WDR17: variants seen among roughly 807,000 people sequenced by gnomAD.
WDR17 encodes WD repeat-containing protein 17.
A neutral mutation model predicts 161.7 loss-of-function variants in WDR17; 143 were observed. That is an observed-to-expected ratio of 0.88 (90% CI 0.77 to 1.02). The LOEUF (loss-of-function observed/expected upper bound fraction) is 1.02, where lower values mean the gene tolerates loss of function less well. WDR17 is among the 50% of genes least tolerant of loss of function. The probability of loss-of-function intolerance (pLI) is 0.00; values close to 1 mark genes in which losing one functional copy is unlikely to be tolerated. For missense variants in WDR17, 1,469 were observed against 1,520.9 expected, an observed-to-expected ratio of 0.97 and a Z score of 0.57; for synonymous variants, 517 against 515.6, an observed-to-expected ratio of 1.00 and a Z score of -0.04.
At chr4:176,072,211 A>G (rs1202315934) in intron 1 of WDR17, among the ~76,000 whole-genome samples, 2 of 152,258 alleles carry the variant, frequency 1.3e-5, no homozygotes, top group Non-Finnish European at 2.9e-5. Flanking sequence ...GGTAAACTCA[A>G]GCATGTGAAA....
intron 25 of WDR17, among the ~76,000 whole-genome samples, chr4:176,174,209 A>T (rs1751143706): frequency 6.6e-6 from 1 of 152,076 alleles, no homozygotes; most frequent in South Asian, 2.1e-4. Context: ...AAATGGAAAA[A>T]ATGATGCAGC....
In WDR17 at chr4:176,155,545, G is replaced by GTTTTTTTTTT. The variant is rs869207103; in HGVS notation, c.2461-527_2461-518dup. Among the ~76,000 whole-genome samples, 40 of 105,220 alleles carry GTTTTTTTTTT rather than the reference G, an allele frequency of 3.8e-4. 1 individual carries two copies. The highest frequency in any genetic ancestry group is 1.1e-3 in the African/African-American group (28 of 25,642). 69.0% of individuals were successfully genotyped at this position (105,220 alleles called of 152,430 possible). ...TTTGTTTTTTTGTTTATTTGTTTGTGTTTTTTTTTTTTTTTTGGAGACGAA... is the reference window on the plus strand; with the variant it reads ...TTTGTTTTTTTGTTTATTTGTTTGTGTTTTTTTTTTTTTTTTTTTTTTTTTTGGAGACGAA... On this transcript the variant is annotated intron_variant, in intron 17 of 28. Transcript: ENST00000508596.
chr4:176,150,623 C>A (rs747128188), intron 16 of WDR17, 30 bp downstream of exon 16: 18 of 1,544,858 alleles, frequency 1.2e-5, no homozygotes, highest in South Asian at 3.9e-5. Context: ...ATGATGTACT[C>A]AAGCAAATTT....
intron 1 of WDR17, among the ~76,000 whole-genome samples, chr4:176,075,445 G>A (rs1180419062): frequency 1.3e-5 from 2 of 151,904 alleles, no homozygotes; most frequent in Non-Finnish European, 2.9e-5. Context: ...GAACATTTTA[G>A]GTTATCTGTC....
intron 24 of WDR17, 133 bp from the exon 25 acceptor site, chr4:176,173,134 A>G (rs1308436305): frequency 1.8e-6 from 1 of 564,714 alleles, no homozygotes; most frequent in Non-Finnish European, 3.1e-6. Context: ...TAAATAGGAA[A>G]ATACTTGTGA....
chr4:176,182,661 C>CT lies in WDR17; in HGVS notation c.*3085dup, dbSNP rs1422565615. On this transcript the variant is annotated 3_prime_UTR_variant, in exon 29 of 29. Transcript: ENST00000508596. The surrounding 1 kb of genome is among the most constrained non-coding windows in gnomAD (Gnocchi z 4.2). ...TTAATTAATGCTTATTGTACCAAAT[C>CT]TTTGAGATATTTGTACATAAATGAA... 2 of 151,910 alleles carry CT rather than the reference C, an allele frequency of 1.3e-5. No homozygotes were observed. The highest frequency in any genetic ancestry group is 4.8e-5 in the African/African-American group (2 of 41,352). 9.4% of individuals were successfully genotyped at this position (151,910 alleles called of 1,614,324 possible).
At chr4:176,160,888 T>C in intron 19 of WDR17, 23 bp from the exon 20 acceptor site, 1 of 1,560,902 alleles carries the variant, frequency 6.4e-7, no homozygotes, top group Non-Finnish European at 8.7e-7. Flanking sequence ...TAAAGAATAA[T>C]TCAACATTTA....
At chr4:176,103,047 A>G (rs1048225917) in intron 1 of WDR17, among the ~76,000 whole-genome samples, 4 of 152,196 alleles carry the variant, frequency 2.6e-5, no homozygotes, top group African/African-American at 9.6e-5. Flanking sequence ...ACCTACCTCC[A>G]TGTTACAAGC....
intron 7 of WDR17, 57 bp downstream of exon 7, chr4:176,131,795 TCTTTACTTTTA>T: frequency 3.1e-6 from 4 of 1,279,668 alleles, no homozygotes; most frequent in South Asian, 4.4e-5. Flanking sequence ...AAACCCATGA[TCTTTACTTTTA>T]CCTGTCTGAA....
rs561806157 is a variant in WDR17, at chr4:176,116,061, T to C, written c.307+82T>C. 5.1e-5 allele frequency: 70 copies of C among 1,368,008 alleles called. No individual in the cohort carries two copies. In the African/African-American group the frequency reaches 9.8e-4, roughly 19 times the overall value. The allele number at this position is 1,368,008 out of a possible 1,614,324, so 84.7% of individuals were successfully genotyped here. ...ACTATCAATATTATTAGTTCAGCTT[T>C]TAAAATGTTGTTTTCAAACTTCTTA... On this transcript the variant is annotated intron_variant, in intron 3 of 28. Coordinates refer to ENST00000508596, the MANE Select transcript of WDR17 (RefSeq NM_181265.4).
chr4:176,083,733 C>T (rs914676604), intron 1 of WDR17, among the ~76,000 whole-genome samples: 23 of 152,020 alleles, frequency 1.5e-4, no homozygotes, highest in African/African-American at 5.3e-4. Context: ...TGTATTTGTT[C>T]GGCGTTAGAG....
chr4:176,128,114 A>G (rs1206530219), intron 5 of WDR17, among the ~76,000 whole-genome samples: 1 of 152,202 alleles, frequency 6.6e-6, no homozygotes, highest in Non-Finnish European at 1.5e-5. Flanking sequence ...TGCTATGAAC[A>G]TGTATGTACA....
At position 176,093,082 on chromosome 4, in the gene WDR17, G is replaced by A. The variant is rs112260857; in HGVS notation, c.-6-18493G>A. 4.0e-3 allele frequency among the ~76,000 whole-genome samples: 600 copies of A among 151,828 alleles called. 5 individuals carry two copies. Among genetic ancestry groups the A allele is most frequent in the African/African-American group, 0.014 (570 of 41,392 alleles). On this transcript the variant is annotated intron_variant, in intron 1 of 28. Coordinates refer to ENST00000508596, the MANE Select transcript of WDR17 (RefSeq NM_181265.4). The stretch of plus-strand genomic sequence containing the variant: ...GAAAAGAAAAGAAATCAAGAATGTA[G>A]TCCCATTAATAACAGCTACAAATAA...
At chr4:176,101,630 A>AT (rs1206845826) in intron 1 of WDR17, among the ~76,000 whole-genome samples, 1 of 152,198 alleles carries the variant, frequency 6.6e-6, no homozygotes, top group Non-Finnish European at 1.5e-5. Context: ...AAGACTTACT[A>AT]TATAGCTCCA....
Position 176,096,066 on chromosome 4 carries a change from G to A in WDR17, c.-6-15509G>A, listed in dbSNP as rs563788585. ...TGGAAGCAAACAGAAATATAGGATT[G>A]GTTTTGTCATTGTATACCTTTTAAC... On this transcript the variant is annotated intron_variant, in intron 1 of 28. Transcript: ENST00000508596. Among the ~76,000 whole-genome samples the A allele has an allele frequency of 6.0e-4, 92 of 152,108 alleles. 1 individual carries two copies. Among genetic ancestry groups the A allele is most frequent in the African/African-American group, 2.1e-3 (89 of 41,532 alleles).
In WDR17 at chr4:176,130,669, T is replaced by C. The variant is rs371857367; in HGVS notation, c.914-885T>C. On this transcript the variant is annotated intron_variant, in intron 6 of 28. Coordinates refer to ENST00000508596, the MANE Select transcript of WDR17 (RefSeq NM_181265.4). Reference sequence around the variant, plus strand: ...CTGAGGCAAGAGAATGGCGTCAACCTGGGAGGCGGAGCTTGCAGTGAGCCG... The same window carrying C: ...CTGAGGCAAGAGAATGGCGTCAACCCGGGAGGCGGAGCTTGCAGTGAGCCG... 1.1e-3 allele frequency among the ~76,000 whole-genome samples: 154 copies of C among 143,060 alleles called. 2 individuals carry two copies. In the South Asian group the frequency reaches 0.028, roughly 26 times the overall value. 93.9% of individuals were successfully genotyped at this position (143,060 alleles called of 152,430 possible). A position where few individuals can be genotyped will look rare whatever the true frequency, so the allele number is the denominator to read the frequency against.
intron 18 of WDR17, among the ~76,000 whole-genome samples, chr4:176,156,547 TGGATATGAGG>T (rs1748153482): frequency 6.6e-6 from 1 of 152,080 alleles, no homozygotes; most frequent in South Asian, 2.1e-4. Context: ...TTTCTTCCCA[TGGATATGAGG>T]GAGGCACTGA....
intron 4 of WDR17, among the ~76,000 whole-genome samples, chr4:176,123,723 C>A (rs1741971813): frequency 6.6e-6 from 1 of 152,190 alleles, no homozygotes; most frequent in Non-Finnish European, 1.5e-5. Context: ...TCTGGAAACT[C>A]CCAAATTCTG....
At chr4:176,150,621 C>A in intron 16 of WDR17, 28 bp downstream of exon 16, 1 of 1,547,746 alleles carries the variant, frequency 6.5e-7, no homozygotes, top group Non-Finnish European at 8.7e-7. Context: ...ATATGATGTA[C>A]TCAAGCAAAT....
Sources: allele counts gnomAD v4.1 joint callset (sites outside exome capture counted in the v4.1 genomes callset), GRCh38; gene constraint gnomAD v4.1.1; non-coding constraint Gnocchi (gnomAD v3.1); transcripts MANE v1.5; gene names NCBI Gene and HGNC (gene_info 2026-07-23, HGNC 2026-07-21).